ZSCAN5A: variants seen among roughly 807,000 people sequenced by gnomAD.
The protein encoded by ZSCAN5A is zinc finger and SCAN domain containing 5A, also known as zinc finger and SCAN domain-containing protein 5A.
In ZSCAN5A, 12 loss-of-function variants were observed where a neutral mutation model predicts 23.7. That is an observed-to-expected ratio of 0.51 (90% CI 0.32 to 0.82). The LOEUF is 0.82. Ranked by LOEUF, ZSCAN5A falls within the 40% of genes least tolerant of loss-of-function variation. ZSCAN5A has a pLI of 0.03. For missense variants in ZSCAN5A, 597 were observed against 617.9 expected, an observed-to-expected ratio of 0.97 and a Z score of 0.36; for synonymous variants, 257 against 239.9, an observed-to-expected ratio of 1.07 and a Z score of -0.66.
At chr19:56,227,034 T>C (rs2146438902) in intron 2 of ZSCAN5A, among the ~76,000 whole-genome samples, 1 of 152,296 alleles carries the variant, frequency 6.6e-6, no homozygotes, top group Middle Eastern at 3.4e-3. Context: ...GGGTAGGGGT[T>C]GGGAAGATAT....
At chr19:56,287,863 A>T (rs2039242933) in intron 2 of ZSCAN5A, among the ~76,000 whole-genome samples, 1 of 152,244 alleles carries the variant, frequency 6.6e-6, no homozygotes. Context: ...TTTAATCCTT[A>T]TAAGCCCTCT....
At chr19:56,330,709 T>C (rs1030098312) in intron 2 of ZSCAN5A, among the ~76,000 whole-genome samples, 7 of 152,168 alleles carry the variant, frequency 4.6e-5, no homozygotes, top group Non-Finnish European at 8.8e-5. Flanking sequence ...TGTTTACTTT[T>C]TATGTTGATT....
intron 2 of ZSCAN5A, among the ~76,000 whole-genome samples, chr19:56,287,755 G>C (rs2039236187): frequency 6.6e-6 from 1 of 152,190 alleles, no homozygotes; most frequent in African/African-American, 2.4e-5. Context: ...GGGCTGGAAG[G>C]AGGCAGAGCA....
chr19:56,263,835 A>G (rs916990799), intron 2 of ZSCAN5A, among the ~76,000 whole-genome samples: 1 of 152,168 alleles, frequency 6.6e-6, no homozygotes, highest in Non-Finnish European at 1.5e-5. Flanking sequence ...AATAATTATA[A>G]TAGTATTATG....
chr19:56,252,893 G>A (rs1453442330), intron 2 of ZSCAN5A, among the ~76,000 whole-genome samples: 1 of 152,208 alleles, frequency 6.6e-6, no homozygotes, highest in Non-Finnish European at 1.5e-5. Context: ...ACGCCAGGGG[G>A]CCCCATTCAC....
intron 2 of ZSCAN5A, among the ~76,000 whole-genome samples, chr19:56,353,781 C>G (rs1033179380): frequency 6.7e-6 from 1 of 149,704 alleles, no homozygotes; most frequent in Non-Finnish European, 1.5e-5. Flanking sequence ...GACTCTGTCT[C>G]AAAAAATAAA....
chr19:56,359,109 C>T (rs373693205), intron 2 of ZSCAN5A, among the ~76,000 whole-genome samples: 98 of 151,576 alleles, frequency 6.5e-4, no homozygotes, highest in African/African-American at 2.3e-3. Flanking sequence ...ACACAAAACA[C>T]CCTTCAAAAA....
chr19:56,302,554 TC>T (rs1322894740), intron 2 of ZSCAN5A, among the ~76,000 whole-genome samples: 10 of 47,264 alleles, frequency 2.1e-4, no homozygotes, highest in Admixed American at 5.7e-4. Flanking sequence ...CGTTCCTCCC[TC>T]CCTCCCCCCT....
At chr19:56,263,526 C>T (rs921201169) in intron 2 of ZSCAN5A, 10 of 152,102 alleles carry the variant, frequency 6.6e-5, no homozygotes, top group African/African-American at 2.4e-4. Flanking sequence ...CCTACCAGTC[C>T]CAAGTGGCTT....
At chr19:56,319,347 T>C (rs2041349887), upstream of ZSCAN5A, among the ~76,000 whole-genome samples, 1 of 151,552 alleles carries the variant, frequency 6.6e-6, no homozygotes, top group Admixed American at 6.6e-5. Flanking sequence ...AATACAAAAA[T>C]TAGCCAGATG....
At position 56,352,847 on chromosome 19, in the gene ZSCAN5A, A is replaced by G. The variant is rs2109468; in HGVS notation, c.-358+10388T>C. 0.23 allele frequency among the ~76,000 whole-genome samples: 35,528 copies of G among 152,154 alleles called. 5,712 individuals carry two copies. Among genetic ancestry groups the G allele is most frequent in the African/African-American group, 0.46 (18,893 of 41,482 alleles). On this transcript the variant is annotated intron_variant, in intron 2 of 6. Coordinates refer to the ZSCAN5A transcript ENST00000587340. The surrounding 1 kb of genome is among the most constrained non-coding windows in gnomAD (Gnocchi z 4.2). ...AAGTCCAGGCCTAGTCAGGAAGAGG[A>G]CTCAGGGAAGCCCAAGTCAAGTCTG...
chr19:56,342,790 C>T, intron 2 of ZSCAN5A: 1 of 744,836 alleles, frequency 1.3e-6, no homozygotes, highest in Non-Finnish European at 2.5e-6. Flanking sequence ...ATACAGAGTA[C>T]TGAACTGGGA....
intron 2 of ZSCAN5A, chr19:56,320,993 G>A (rs549006831): frequency 1.4e-4 from 101 of 712,518 alleles, no homozygotes; most frequent in Non-Finnish European, 2.2e-4. Context: ...GCCACAGACC[G>A]GTAAGTTGTC....
chr19:56,329,844 A>C (rs570881289), intron 2 of ZSCAN5A, among the ~76,000 whole-genome samples: 1 of 152,212 alleles, frequency 6.6e-6, no homozygotes, highest in Non-Finnish European at 1.5e-5. Context: ...TTTCAAAACT[A>C]ATTTCCACTT....
At chr19:56,316,628 G>T, upstream of ZSCAN5A, 1 of 152,970 alleles carries the variant, frequency 6.5e-6, no homozygotes. Context: ...CACTACCTTT[G>T]AGCCAGCCAG....
rs1018021349 is a variant in ZSCAN5A, at chr19:56,251,543, C to A, written c.-127-26370G>T. On this transcript the variant is annotated intron_variant, in intron 2 of 5. Transcript: ENST00000683990. ...ACGATGGCCTGCTACCTTCAATAGCCCACAGCTAGAAAATAGTTTTGTGTG... is the reference window on the plus strand; with the variant it reads ...ACGATGGCCTGCTACCTTCAATAGCACACAGCTAGAAAATAGTTTTGTGTG... 7.3e-5 allele frequency among the ~76,000 whole-genome samples: 11 copies of A among 150,452 alleles called. No homozygotes were observed. In the East Asian group the frequency reaches 1.7e-3, roughly 24 times the overall value.
chr19:56,342,082 C>A (rs1188550291), intron 2 of ZSCAN5A, among the ~76,000 whole-genome samples: 4 of 152,112 alleles, frequency 2.6e-5, no homozygotes, highest in Non-Finnish European at 4.4e-5. Flanking sequence ...TACAGAAACA[C>A]TACTATCATT....
Position 56,221,924 on chromosome 19 carries a change from TC to T in ZSCAN5A, c.1141del (p.Glu381ArgfsTer47), listed in dbSNP as rs1309243403. ...ACAGAGATTACATTGAAAGAGTCTC[TC>T]GCCTGTGTGTGATCTCTTGTGGATG... is the stretch of plus-strand genomic sequence containing the variant. Reference protein sequence around the residue: ...LVIHKRSHTGERLFQCNLCGK... With the variant: ...LVIHKRSHTGXRLFQCNLCGK... On this transcript the variant is annotated frameshift_variant, in exon 6 of 6. Transcript: ENST00000683990. LOFTEE classifies it low-confidence loss of function (END_TRUNC). 1 of 1,614,106 alleles carries T rather than the reference TC, an allele frequency of 6.2e-7. No individual in the cohort carries two copies. The highest frequency in any genetic ancestry group is 1.3e-5 in the African/African-American group (1 of 74,946).
At chr19:56,367,809 A>AGG (rs1268214775) in intron 1 of ZSCAN5A, 1 of 152,190 alleles carries the variant, frequency 6.6e-6, no homozygotes, top group African/African-American at 2.4e-5. Flanking sequence ...AGATGCATAT[A>AGG]GGGTCACATA....
Sources: gnomAD v4.1 joint callset for allele counts (sites outside exome capture counted in the v4.1 genomes callset) on GRCh38, gnomAD v4.1.1 for gene constraint, Gnocchi (gnomAD v3.1) non-coding constraint, MANE v1.5 for transcripts, NCBI Gene and HGNC (gene_info 2026-07-23, HGNC 2026-07-21) for gene names.